The following ZNF862 variants were observed in gnomAD, a reference collection of about 807,000 sequenced individuals.
ZNF862 encodes zinc finger protein 862.
Under a neutral mutation model 91.1 loss-of-function variants are expected in ZNF862, and 64 were observed. The ratio of observed to expected loss-of-function variants is 0.70; its 90% CI spans 0.57 to 0.87. The LOEUF is 0.87. ZNF862 is among the 40% of genes least tolerant of loss of function. The pLI is 0.00. For synonymous variants in ZNF862, 631 were observed against 618.1 expected (o/e 1.02, Z -0.31); for missense variants, 1,459 against 1,528.0 (o/e 0.95, Z 0.75).
intron 1 of ZNF862, among the ~76,000 whole-genome samples, chr7:149,840,187 T>TAAAAAAAAAAAAAAAAAA (rs60721842): frequency 1.7e-4 from 7 of 41,254 alleles, no homozygotes; most frequent in South Asian, 1.8e-3. Context: ...GCTTAAAAAG[T>TAAAAAAAAAAAAAAAAAA]AAAAAAAAAA....
At chr7:149,844,839 T>A in intron 2 of ZNF862, 103 bp downstream of exon 2, 1 of 769,622 alleles carries the variant, frequency 1.3e-6, no homozygotes. Flanking sequence ...AATCCAAGCA[T>A]TTGTCTAGGC....
At position 149,862,433 on chromosome 7, in the gene ZNF862, C is replaced by T; in HGVS notation, c.3273C>T (p.Ser1091=). 8 of 1,612,170 alleles carry T rather than the reference C, an allele frequency of 5.0e-6. No homozygotes were observed. Among genetic ancestry groups the T allele is most frequent in the Non-Finnish European group, 6.8e-6 (8 of 1,179,684 alleles). Residue 1091 remains serine (S), a synonymous_variant, in exon 7 of 8, where the codon TCC becomes TCT. Transcript: ENST00000223210. The part of the protein sequence containing the change: ...QPAIQHWYLT[S]SGRRFSHVYT... ...CCATCCAGCACTGGTACCTGACCTC[C>T]TCAGGCCGGCGTTTCAGCCATGTCT...
Position 149,862,457 on chromosome 7 carries a change from C to T in ZNF862, c.3297C>T (p.Val1099=), listed in dbSNP as rs751512864. 3.0e-5 allele frequency: 48 copies of T among 1,607,504 alleles called. No individual in the cohort carries two copies. The highest frequency in any genetic ancestry group is 3.9e-5 in the Non-Finnish European group (46 of 1,176,232). ...CCTCAGGCCGGCGTTTCAGCCATGT[C>T]TACACCTGTGCCCAGGTGCCAGCCC... ...LTSSGRRFSH[V]YTCAQVPARS... is the part of the protein sequence containing the mutation. The change falls in exon 7 of 8, where the codon GTC becomes GTT. Residue 1099 remains valine (V), a synonymous_variant. Coordinates refer to ENST00000223210, the MANE Select transcript of ZNF862 (RefSeq NM_001099220.3).
At chr7:149,856,330 C>T (rs1446666799) in intron 5 of ZNF862, 1 of 152,238 alleles carries the variant, frequency 6.6e-6, no homozygotes, top group Non-Finnish European at 1.5e-5. Flanking sequence ...ACCTGGGCCC[C>T]CGCTTCTCTT....
chr7:149,846,294 G>T (rs752444391), intron 3 of ZNF862, 39 bp downstream of exon 3: 1 of 1,532,736 alleles, frequency 6.5e-7, no homozygotes, highest in Admixed American at 1.7e-5. Context: ...ATGCTTGGCT[G>T]GAGAGGGAGC....
chr7:149,857,183 G>T (rs1219768349), intron 5 of ZNF862, among the ~76,000 whole-genome samples: 1 of 151,860 alleles, frequency 6.6e-6, no homozygotes. Context: ...GTCTTTCCCT[G>T]TTTGGGAAAA....
Position 149,860,477 on chromosome 7 carries a change from C to A in ZNF862, c.1317C>A (p.Ala439=). The change falls in exon 7 of 8, where the codon GCC becomes GCA. Residue 439 remains alanine (A), a synonymous_variant. Transcript: ENST00000223210. Reference sequence around the variant, plus strand: ...CAGGCTCTCCCGTGGAGGCCCGTGCCTCCTGCTGCAGTTCCAGCATTTGTG... The same window carrying A: ...CAGGCTCTCCCGTGGAGGCCCGTGCATCCTGCTGCAGTTCCAGCATTTGTG... ...LLPGSPVEAR[A]SCCSSSICEE... 1 of 1,613,996 alleles carries A rather than the reference C, an allele frequency of 6.2e-7. No homozygotes were observed. Among genetic ancestry groups the A allele is most frequent in the Non-Finnish European group, 8.5e-7 (1 of 1,179,888 alleles).
rs1802628474 is a variant in ZNF862, at chr7:149,864,175, C to T, written c.3401C>T (p.Pro1134Leu). The T allele has an allele frequency of 6.3e-7, 1 of 1,595,598 alleles. No individual in the cohort carries two copies. The highest frequency in any genetic ancestry group is 2.3e-5 in the East Asian group (1 of 43,926). ...YVEEPRTQKP[P>L]ILPSREAAEV... is the part of the protein sequence containing the mutation. Reference sequence around the variant, plus strand: ...GAGGAGCCCAGGACCCAGAAGCCACCCATCCTGCCCTCCAGGGAAGCAGCG... The same window carrying T: ...GAGGAGCCCAGGACCCAGAAGCCACTCATCCTGCCCTCCAGGGAAGCAGCG... Residue 1134 changes from proline to leucine, a missense_variant, in exon 8 of 8, where the codon CCC becomes CTC. Physicochemically the swap from Pro to Leu is moderately conservative, Grantham distance 98. Coordinates refer to ENST00000223210, the MANE Select transcript of ZNF862 (RefSeq NM_001099220.3).
chr7:149,859,587 G>A (rs1208657251), intron 6 of ZNF862, 61 bp downstream of exon 6: 1 of 1,357,626 alleles, frequency 7.4e-7, no homozygotes, highest in Non-Finnish European at 1.0e-6. Flanking sequence ...GCTATGATGA[G>A]TCAAACAGCA....
intron 1 of ZNF862, among the ~76,000 whole-genome samples, chr7:149,840,038 C>T (rs1801644697): frequency 6.6e-6 from 1 of 151,774 alleles, no homozygotes; most frequent in African/African-American, 2.4e-5. Flanking sequence ...ACAAGGTTTC[C>T]ATCAACACCG....
At chr7:149,846,365 C>A in intron 3 of ZNF862, 110 bp downstream of exon 3, 1 of 781,562 alleles carries the variant, frequency 1.3e-6, no homozygotes, top group Non-Finnish European at 2.1e-6. Flanking sequence ...CCAACTGACA[C>A]TGCTGTTCTC....
chr7:149,852,337 T>TTGTGTG (rs10674865), intron 5 of ZNF862, among the ~76,000 whole-genome samples: 8,147 of 140,268 alleles, frequency 0.058, 265 homozygotes, highest in South Asian at 0.08. Flanking sequence ...GAACTCAGTT[T>TTGTGTG]TGTGTGTGTG....
At chr7:149,844,429 C>T (rs979138169) in intron 1 of ZNF862, among the ~76,000 whole-genome samples, 196 bp from the exon 2 acceptor site, 5 of 152,108 alleles carry the variant, frequency 3.3e-5, no homozygotes, top group African/African-American at 7.2e-5. Context: ...CATTTCAGTG[C>T]GTGGCACTTC....
chr7:149,846,137 T>A lies in ZNF862; in HGVS notation c.137-14T>A. 1 of 1,598,732 alleles carries A rather than the reference T, an allele frequency of 6.3e-7. No homozygotes were observed. Among genetic ancestry groups the A allele is most frequent in the African/African-American group, 1.3e-5 (1 of 74,378 alleles). Reference sequence around the variant, plus strand: ...TTCTCTCTCTCTCGCTCTCTTTTTTTTTTTTGGACTCAGGACCAACTGTTG... The same window carrying A: ...TTCTCTCTCTCTCGCTCTCTTTTTTATTTTTGGACTCAGGACCAACTGTTG... On this transcript the variant is annotated splice_polypyrimidine_tract_variant and intron_variant, in intron 2 of 7. Transcript: ENST00000223210.
In ZNF862 at chr7:149,860,491, C is replaced by G; in HGVS notation, c.1331C>G (p.Ser444Cys). The stretch of plus-strand genomic sequence containing the variant: ...GAGGCCCGTGCCTCCTGCTGCAGTT[C>G]CAGCATTTGTGAGGAAGGAGATGGA... ...PVEARASCCS[S>C]SICEEGDGPR... is the part of the protein sequence containing the mutation. The change falls in exon 7 of 8, where the codon TCC (serine) becomes TGC (cysteine). Residue 444 changes from serine to cysteine, a missense_variant. Physicochemically the swap from Ser to Cys is moderately radical, Grantham distance 112 (BLOSUM62 -1). Coordinates refer to ENST00000223210, the MANE Select transcript of ZNF862 (RefSeq NM_001099220.3). 2 of 1,613,938 alleles carry G rather than the reference C, an allele frequency of 1.2e-6. No homozygotes were observed. Among genetic ancestry groups the G allele is most frequent in the Non-Finnish European group, 1.7e-6 (2 of 1,179,878 alleles).
At chr7:149,846,918 T>G (rs1801892402) in intron 3 of ZNF862, among the ~76,000 whole-genome samples, 1 of 152,232 alleles carries the variant, frequency 6.6e-6, no homozygotes, top group Admixed American at 6.5e-5. Context: ...TTGGCTCTTA[T>G]TTTGAGCCTT....
Position 149,844,660 on chromosome 7 carries a change from A to T in ZNF862, c.60A>T (p.Leu20Phe). 6.2e-7 allele frequency: 1 copy of T among 1,605,746 alleles called. No individual in the cohort carries two copies. Among genetic ancestry groups the T allele is most frequent in the South Asian group, 1.1e-5 (1 of 89,046 alleles). The change falls in exon 2 of 8, where the codon TTA (leucine) becomes TTT (phenylalanine). Residue 20 changes from leucine (L) to phenylalanine (F), a missense_variant. By Grantham distance (22) the Leu-to-Phe change is conservative. Transcript: ENST00000223210. ...PVTFDDITVYLLQEEWVLLSQ... is the reference protein window; with the variant it reads ...PVTFDDITVYFLQEEWVLLSQ... ...CGTTTGATGACATCACTGTGTACTT[A>T]CTCCAGGAGGAATGGGTGCTGCTGA... is the stretch of plus-strand genomic sequence containing the variant.
chr7:149,845,933 C>G (rs187913237), intron 2 of ZNF862, among the ~76,000 whole-genome samples: 187 of 152,268 alleles, frequency 1.2e-3, no homozygotes, highest in African/African-American at 4.4e-3. Flanking sequence ...ATTCCTTTCT[C>G]CTAGTCTCCT....
In ZNF862 at chr7:149,861,143, T is replaced by C. The variant is rs1201642108; in HGVS notation, c.1983T>C (p.Pro661=). Residue 661 remains proline, a synonymous_variant, in exon 7 of 8, where the codon CCT becomes CCC. Transcript: ENST00000223210. This position sits in a 1 kb window ranked among gnomAD's most constrained non-coding sequence, Gnocchi z 6.7. ...AAGAGTCCTACATCACTCTGGCCCC[T>C]CTCTACAGTGAGACAGCAGATGGGT... ...EVKESYITLA[P]LYSETADGYF... is the part of the protein sequence containing the mutation. 18 of 1,613,056 alleles carry C rather than the reference T, an allele frequency of 1.1e-5. No homozygotes were observed. The highest frequency in any genetic ancestry group is 1.5e-5 in the Non-Finnish European group (18 of 1,179,856).
Sources: gnomAD v4.1 joint callset for allele counts (sites outside exome capture counted in the v4.1 genomes callset) on GRCh38, gnomAD v4.1.1 for gene constraint, Gnocchi (gnomAD v3.1) non-coding constraint, MANE v1.5 for transcripts, NCBI Gene and HGNC (gene_info 2026-07-23, HGNC 2026-07-21) for gene names.